KIF22: variants seen among roughly 807,000 people sequenced by gnomAD.
KIF22 encodes kinesin-like protein KIF22.
Under a neutral mutation model 73.0 loss-of-function variants are expected in KIF22, and 62 were observed. The ratio of observed to expected loss-of-function variants is 0.85; its 90% CI spans 0.69 to 1.05. The LOEUF (loss-of-function observed/expected upper bound fraction) is 1.05. Among genes scored for constraint, KIF22 ranks in the 50% least tolerant of loss-of-function variants. The pLI, the probability that KIF22 is intolerant of heterozygous loss-of-function variation, is 0.00. For missense variants in KIF22, 854 were observed against 870.1 expected, an observed-to-expected ratio of 0.98 and a Z score of 0.23; for synonymous variants, 411 against 340.1, an observed-to-expected ratio of 1.21 and a Z score of -2.29.
intron 11 of KIF22, 64 bp from the exon 12 acceptor site, chr16:29,804,750 C>A: frequency 7.4e-7 from 1 of 1,353,604 alleles, no homozygotes; most frequent in South Asian, 1.2e-5. Context: ...GGCTCCTAGT[C>A]TTGGCAGAGG....
rs1337971750 is a variant in KIF22, at chr16:29,803,303, C to CT, written c.1450-145dup. On this transcript the variant is annotated intron_variant, in intron 9 of 13. Coordinates refer to ENST00000160827, the MANE Select transcript of KIF22 (RefSeq NM_007317.3). The stretch of plus-strand genomic sequence containing the variant: ...ACAGAAAGCCCTTAATTATGTTAGG[C>CT]TCCACCTGTCTCCTGGTAACCTCCC... 10 of 879,168 alleles carry CT rather than the reference C, an allele frequency of 1.1e-5. No individual in the cohort carries two copies. In the African/African-American group the frequency reaches 1.5e-4, roughly 13 times the overall value. 54.5% of individuals were successfully genotyped at this position (879,168 alleles called of 1,614,324 possible). A position where few individuals can be genotyped will look rare whatever the true frequency, so the allele number is the denominator to read the frequency against.
chr16:29,790,882 G>A, intron 1 of KIF22, 53 bp downstream of exon 1: 5 of 1,563,286 alleles, frequency 3.2e-6, no homozygotes, highest in Non-Finnish European at 3.5e-6. Flanking sequence ...AGTTTAGTGG[G>A]AGTTATGTGT....
intron 10 of KIF22, 66 bp from the exon 11 acceptor site, chr16:29,803,932 A>AAGGGCTAC: frequency 8.1e-7 from 1 of 1,232,162 alleles, no homozygotes; most frequent in Non-Finnish European, 1.2e-6. Context: ...GGAAGAATCG[A>AAGGGCTAC]AGGGCTACCA....
intron 8 of KIF22, among the ~76,000 whole-genome samples, chr16:29,802,054 CCCAGGA>C (rs1899154317): frequency 6.6e-6 from 1 of 151,814 alleles, no homozygotes; most frequent in East Asian, 1.9e-4. Context: ...ATCACTTGAG[CCCAGGA>C]GTTCAAGACC....
chr16:29,803,008 G>C (rs1254582736), intron 9 of KIF22, 71 bp downstream of exon 9: 1 of 1,479,542 alleles, frequency 6.8e-7, no homozygotes, highest in African/African-American at 1.4e-5. Flanking sequence ...TCTTCAGACA[G>C]GGAAGGACAC....
rs1038871696 is a variant in KIF22 at position 29,803,372 on chromosome 16, C to G, written c.1450-77C>G. On this transcript the variant is annotated intron_variant, in intron 9 of 13. Transcript: ENST00000160827. The stretch of plus-strand genomic sequence containing the variant: ...CTCTGGGGGCTCAGAGCCTTGCATA[C>G]TCACCCTGGTAACCCACTCCCTTCA... The G allele has an allele frequency of 1.9e-6, 3 of 1,565,276 alleles. No homozygotes were observed. The African/African-American group carries it at 4.1e-5, about 21-fold the overall frequency.
intron 6 of KIF22, 36 bp from the exon 7 acceptor site, chr16:29,799,592 G>A (rs912105238): frequency 9.3e-6 from 15 of 1,613,284 alleles, no homozygotes; most frequent in Non-Finnish European, 1.3e-5. Context: ...GGAAGGCTGG[G>A]CTTCTGACCC....
intron 1 of KIF22, chr16:29,791,436 C>G: frequency 5.7e-6 from 1 of 176,046 alleles, no homozygotes; most frequent in South Asian, 1.9e-4. Context: ...GTTGGAAAGG[C>G]TGTTAGGACA....
chr16:29,791,314 G>A (rs1898809337), intron 1 of KIF22: 1 of 892,418 alleles, frequency 1.1e-6, no homozygotes, highest in Non-Finnish European at 1.3e-6. Flanking sequence ...GAACAGACCC[G>A]GCTGCTGCTG....
chr16:29,791,942 TAC>T (rs749705227), intron 1 of KIF22, among the ~76,000 whole-genome samples: 12 of 152,324 alleles, frequency 7.9e-5, no homozygotes, highest in Non-Finnish European at 1.8e-4. Flanking sequence ...TCGAGGAATT[TAC>T]AGTCTGTTTC....
rs377591624 is a variant in KIF22 at position 29,803,549 on chromosome 16, A to G, written c.1550A>G (p.His517Arg). The G allele has an allele frequency of 1.1e-5, 18 of 1,613,912 alleles. No individual in the cohort carries two copies. The highest frequency in any genetic ancestry group is 3.3e-5 in the Admixed American group (2 of 60,020). Residue 517 changes from histidine (H) to arginine (R), a missense_variant, in exon 10 of 14, where the codon CAT becomes CGT. Physicochemically the swap from His to Arg is conservative, Grantham distance 29. Around this residue, in one of 3 missense-constraint regions of KIF22, gnomAD observed 423 missense variants for 365.4 expected, o/e 1.16. Coordinates refer to ENST00000160827, the MANE Select transcript of KIF22 (RefSeq NM_007317.3). ...CCCACAATGCTCCGGCCCCTTTCACATCGCACAGTCACAGGGGCAAAGCCC... is the reference window on the plus strand; with the variant it reads ...CCCACAATGCTCCGGCCCCTTTCACGTCGCACAGTCACAGGGGCAAAGCCC... The part of the protein sequence containing the change: ...HCPTMLRPLS[H>R]RTVTGAKPLK...
In KIF22 at chr16:29,798,208, G is replaced by A. The variant is rs140477302; in HGVS notation, c.267-166G>A. On this transcript the variant is annotated intron_variant, in intron 2 of 13. Transcript: ENST00000160827. The surrounding 1 kb of genome is among the most constrained non-coding windows in gnomAD (Gnocchi z 4.1). ...AGGATGGAGTAGGTGTTAGGTGGATGCTTTTTAAGGTCTTTGTACAAGAAA... is the reference window on the plus strand; with the variant it reads ...AGGATGGAGTAGGTGTTAGGTGGATACTTTTTAAGGTCTTTGTACAAGAAA... Among the ~76,000 whole-genome samples the A allele has an allele frequency of 1.2e-4, 18 of 152,156 alleles. No homozygotes were observed. The East Asian group carries it at 3.1e-3, about 26-fold the overall frequency.
chr16:29,803,270 C>T lies in KIF22; in HGVS notation c.1450-179C>T. ...AGGCTTGTTCCACCTCTGGGTAGCC[C>T]CCTAATCACAGAAAGCCCTTAATTA... On this transcript the variant is annotated intron_variant, in intron 9 of 13. Transcript: ENST00000160827. 7.2e-6 allele frequency: 5 copies of T among 697,922 alleles called. No homozygotes were observed. In the South Asian group the frequency reaches 1.0e-4, roughly 14 times the overall value. The allele number at this position is 697,922 out of a possible 1,614,324, so 43.2% of individuals were successfully genotyped here.
At chr16:29,799,547 C>A in intron 6 of KIF22, 53 bp downstream of exon 6, 3 of 1,611,530 alleles carry the variant, frequency 1.9e-6, no homozygotes, top group Non-Finnish European at 2.5e-6. Flanking sequence ...GGTTCTCAGG[C>A]CTGCTGTGGG....
In KIF22 at chr16:29,805,247, C is replaced by T. The variant is rs1296104512; in HGVS notation, c.1951-16C>T. The T allele has an allele frequency of 3.5e-5, 57 of 1,613,824 alleles. No individual in the cohort carries two copies. Among genetic ancestry groups the T allele is most frequent in the Non-Finnish European group, 4.3e-5 (51 of 1,180,022 alleles). On this transcript the variant is annotated splice_polypyrimidine_tract_variant and intron_variant, in intron 13 of 13. Coordinates refer to ENST00000160827, the MANE Select transcript of KIF22 (RefSeq NM_007317.3). ...CCCTCTCTAACGTCGCTGTCTCCCT[C>T]CCTCCTGTGTTGCAGGCAAACATCC...
intron 8 of KIF22, 188 bp downstream of exon 8, chr16:29,800,236 A>C (rs1899091894): frequency 1.7e-6 from 1 of 584,790 alleles, no homozygotes; most frequent in Non-Finnish European, 2.8e-6. Flanking sequence ...TGGGTGGATC[A>C]CCTGAGGTCA....
intron 8 of KIF22, among the ~76,000 whole-genome samples, chr16:29,801,094 ACT>A (rs1596851748): frequency 6.6e-6 from 1 of 151,674 alleles, no homozygotes; most frequent in African/African-American, 2.4e-5. Flanking sequence ...CTTCTCCATG[ACT>A]CTCCGGGGAG....
chr16:29,799,758 C>A lies in KIF22; in HGVS notation c.1121C>A (p.Thr374Asn), dbSNP rs1899069700. Reference protein sequence around the residue: ...RSKEVINRPFTNESLQPHALG... With the variant: ...RSKEVINRPFNNESLQPHALG... ...AAGGAGGTGATCAATCGGCCTTTTA[C>A]CAATGAGAGCCTGCAGCCTCATGGT... Residue 374 changes from threonine (T) to asparagine (N), a missense_variant, in exon 7 of 14, where the codon ACC (threonine) becomes AAC (asparagine). Coordinates refer to ENST00000160827, the MANE Select transcript of KIF22 (RefSeq NM_007317.3). 1 of 1,613,196 alleles carries A rather than the reference C, an allele frequency of 6.2e-7. No individual in the cohort carries two copies. The highest frequency in any genetic ancestry group is 1.7e-5 in the Admixed American group (1 of 59,838).
At chr16:29,804,428 G>C (rs1402774544) in intron 11 of KIF22, 9 of 619,344 alleles carry the variant, frequency 1.5e-5, no homozygotes, top group African/African-American at 7.3e-5. Flanking sequence ...CAAAAACTGA[G>C]ATGGTTGGGG....
Sources: allele counts gnomAD v4.1 joint callset (sites outside exome capture counted in the v4.1 genomes callset), GRCh38; gene constraint gnomAD v4.1.1; regional missense constraint gnomAD v4.1.1; non-coding constraint Gnocchi (gnomAD v3.1); transcripts MANE v1.5; gene names NCBI Gene and HGNC (gene_info 2026-07-23, HGNC 2026-07-21).